The following AMMECR1 variants were observed in gnomAD, a reference collection of about 807,000 sequenced individuals.
AMMECR1 encodes nuclear protein AMMECR1.
In AMMECR1, 3 loss-of-function variants were observed where a neutral mutation model predicts 22.5. That is an observed-to-expected ratio of 0.13 (90% CI 0.06 to 0.35). The LOEUF (loss-of-function observed/expected upper bound fraction) is 0.35. AMMECR1 is among the 10% of genes least tolerant of loss of function. The pLI is 1.00. For missense variants in AMMECR1, 235 were observed against 278.7 expected (o/e 0.84, Z 1.12); for synonymous variants, 130 against 116.7 (o/e 1.11, Z -0.74).
intron 3 of AMMECR1, among the ~76,000 whole-genome samples, chrX:110,209,872 G>GAC (rs112143179): frequency 0.011 from 1,166 of 104,817 alleles, 11 homozygotes; most frequent in African/African-American, 0.025. Flanking sequence ...AAATGCTGGG[G>GAC]ACACACACAC....
Position 110,330,468 on chromosome X carries a change from A to T in AMMECR1, c.-147-12619T>A, listed in dbSNP as rs180756283. On this transcript the variant is annotated intron_variant, in intron 2 of 7. Coordinates refer to the AMMECR1 transcript ENST00000372057. ...CTGTTTGATACTGATCCACAACAGC[A>T]TAAGCACTGAAATTGAGAGTAAGAA... 2.5e-3 allele frequency among the ~76,000 whole-genome samples: 276 copies of T among 112,219 alleles called. 1 individual carries two copies. Among genetic ancestry groups the T allele is most frequent in the Non-Finnish European group, 4.1e-3 (218 of 53,226 alleles).
At chrX:110,407,770 G>A (rs1466339720) in intron 2 of AMMECR1, among the ~76,000 whole-genome samples, 2 of 112,409 alleles carry the variant, frequency 1.8e-5, no homozygotes, top group Non-Finnish European at 3.8e-5. Context: ...TGGTAGAAGA[G>A]GGCCCTAACA....
intron 2 of AMMECR1, among the ~76,000 whole-genome samples, chrX:110,263,688 T>C (rs1235205358): frequency 8.9e-6 from 1 of 111,831 alleles, no homozygotes; most frequent in African/African-American, 3.2e-5. Flanking sequence ...CAGGGAGCAA[T>C]TTCTTGTTGG....
chrX:110,307,863 T>TC (rs2068005231), intron 1 of AMMECR1, among the ~76,000 whole-genome samples: 1 of 102,746 alleles, frequency 9.7e-6, no homozygotes, highest in Non-Finnish European at 2.0e-5. Context: ...CTTTTTTTTT[T>TC]CTTTTTTTTT....
At chrX:110,353,008 T>G (rs2068216872) in intron 2 of AMMECR1, among the ~76,000 whole-genome samples, 1 of 112,511 alleles carries the variant, frequency 8.9e-6, no homozygotes, top group East Asian at 2.8e-4. Context: ...CAGACATTGT[T>G]GTGAAACGTT....
At chrX:110,209,973 C>G (rs1431579154) in intron 3 of AMMECR1, among the ~76,000 whole-genome samples, 1 of 110,947 alleles carries the variant, frequency 9.0e-6, no homozygotes, top group Non-Finnish European at 1.9e-5. Context: ...TCTGGGGAAG[C>G]AGCAGGCTAA....
At chrX:110,260,647 A>G (rs1296765951) in intron 2 of AMMECR1, among the ~76,000 whole-genome samples, 1 of 111,575 alleles carries the variant, frequency 9.0e-6, no homozygotes, top group Non-Finnish European at 1.9e-5. Flanking sequence ...TTTTAGAGTT[A>G]AGGGACTACA....
At chrX:110,410,480 C>T (rs1182338724) in intron 2 of AMMECR1, among the ~76,000 whole-genome samples, 1 of 112,156 alleles carries the variant, frequency 8.9e-6, no homozygotes, top group East Asian at 2.8e-4. Flanking sequence ...TAATTATCCA[C>T]CTATTTTCTT....
At chrX:110,324,774 A>G (rs746046627) in intron 2 of AMMECR1, among the ~76,000 whole-genome samples, 4 of 110,580 alleles carry the variant, frequency 3.6e-5, no homozygotes, top group Non-Finnish European at 7.6e-5. Flanking sequence ...ACTTTAATAT[A>G]CCATAAAATT....
chrX:110,339,401 TAAAAAAA>T (rs10664998), intron 2 of AMMECR1, among the ~76,000 whole-genome samples: 1 of 48,958 alleles, frequency 2.0e-5, no homozygotes, highest in Non-Finnish European at 3.9e-5. Context: ...TGGTTTGTTG[TAAAAAAA>T]AAAAAAAAAA....
intron 2 of AMMECR1, among the ~76,000 whole-genome samples, chrX:110,218,604 T>C (rs762949143): frequency 9.4e-6 from 1 of 106,540 alleles, no homozygotes; most frequent in East Asian, 2.9e-4. Flanking sequence ...ATAGTTATAG[T>C]AATACAGTCA....
At chrX:110,262,442 T>C (rs975820775) in intron 2 of AMMECR1, among the ~76,000 whole-genome samples, 6 of 111,929 alleles carry the variant, frequency 5.4e-5, no homozygotes, top group African/African-American at 1.6e-4. Flanking sequence ...GAGCTATAGA[T>C]TGCAATGAGG....
At chrX:110,287,119 C>T (rs2148210641) in intron 1 of AMMECR1, among the ~76,000 whole-genome samples, 1 of 111,948 alleles carries the variant, frequency 8.9e-6, no homozygotes, top group East Asian at 2.8e-4. Context: ...AGAAAAAGAA[C>T]TCCAGCTATC....
At chrX:110,352,310 C>G (rs1263598885) in intron 2 of AMMECR1, among the ~76,000 whole-genome samples, 1 of 112,261 alleles carries the variant, frequency 8.9e-6, no homozygotes, top group African/African-American at 3.2e-5. Context: ...GGAAACAACT[C>G]CAATATCCAT....
At chrX:110,234,636 A>G (rs942738938) in intron 2 of AMMECR1, among the ~76,000 whole-genome samples, 3 of 111,952 alleles carry the variant, frequency 2.7e-5, no homozygotes, top group African/African-American at 9.8e-5. Context: ...ACAGAGATAT[A>G]GACCAATGGA....
chrX:110,339,646 G>A (rs756236465), intron 2 of AMMECR1, among the ~76,000 whole-genome samples: 105 of 109,768 alleles, frequency 9.6e-4, no homozygotes, highest in South Asian at 3.5e-3. Flanking sequence ...GCAGGCATGC[G>A]CCACCACGCC....
intron 2 of AMMECR1, among the ~76,000 whole-genome samples, chrX:110,244,015 T>C (rs1040520815): frequency 1.9e-4 from 21 of 111,848 alleles, no homozygotes; most frequent in Admixed American, 3.8e-4. Flanking sequence ...GTGTCAAATG[T>C]GCTTCTTGTC....
At chrX:110,360,178 T>C (rs2068254061) in intron 2 of AMMECR1, among the ~76,000 whole-genome samples, 1 of 110,768 alleles carries the variant, frequency 9.0e-6, no homozygotes, top group Non-Finnish European at 1.9e-5. Flanking sequence ...GCACTAGGTA[T>C]TGGGGGCACA....
At chrX:110,374,245 C>T (rs1039313784) in intron 2 of AMMECR1, among the ~76,000 whole-genome samples, 4 of 111,834 alleles carry the variant, frequency 3.6e-5, no homozygotes, top group Non-Finnish European at 5.7e-5. Context: ...AAATGAAAAT[C>T]TTGAAACCTA....
Sources: allele counts gnomAD v4.1 joint callset (sites outside exome capture counted in the v4.1 genomes callset), GRCh38; gene constraint gnomAD v4.1.1; transcripts MANE v1.5; gene names NCBI Gene and HGNC (gene_info 2026-07-23, HGNC 2026-07-21).